Variants in DYNC1H1 observed in about 807,000 individuals in gnomAD.
DYNC1H1 encodes the protein cytoplasmic dynein 1 heavy chain 1.
In DYNC1H1, 51 loss-of-function variants were observed where a neutral mutation model predicts 527.1. The observed-to-expected ratio is 0.10, with a 90% confidence interval of 0.08 to 0.12. The LOEUF (loss-of-function observed/expected upper bound fraction) is 0.12, where lower values mean the gene tolerates loss of function less well. Among genes scored for constraint, DYNC1H1 ranks in the 10% least tolerant of loss-of-function variants. DYNC1H1 has a pLI of 1.00. For missense variants in DYNC1H1, 2,771 were observed against 5,971.8 expected, an observed-to-expected ratio of 0.46 and a Z score of 17.66; for synonymous variants, 2,189 against 2,278.8, an observed-to-expected ratio of 0.96 and a Z score of 1.12.
chr14:101,992,505 T>A (rs1315475327), intron 11 of DYNC1H1, among the ~76,000 whole-genome samples: 4 of 152,206 alleles, frequency 2.6e-5, no homozygotes, highest in Non-Finnish European at 5.9e-5. Flanking sequence ...GTTCTCTTGC[T>A]TATCTCCAAA....
Position 102,044,747 on chromosome 14 carries a change from C to T in DYNC1H1, c.13006+49C>T. 1 of 1,395,342 alleles carries T rather than the reference C, an allele frequency of 7.2e-7. No homozygotes were observed. The highest frequency in any genetic ancestry group is 9.8e-7 in the Non-Finnish European group (1 of 1,018,458). The allele number at this position is 1,395,342 out of a possible 1,614,324, so 86.4% of individuals were successfully genotyped here. ...CACGCAGGGTGGGTGGCGAGGGTCC[C>T]CTCACGCGGGGTGGGTGGCGAGGGT... On this transcript the variant is annotated intron_variant, in intron 72 of 77. Coordinates refer to ENST00000360184, the MANE Select transcript of DYNC1H1 (RefSeq NM_001376.5). This position sits in a 1 kb window ranked among gnomAD's most constrained non-coding sequence, Gnocchi z 7.1.
At position 102,007,043 on chromosome 14, in the gene DYNC1H1, G is replaced by T; in HGVS notation, c.5752G>T (p.Ala1918Ser). 1 of 1,614,234 alleles carries T rather than the reference G, an allele frequency of 6.2e-7. No individual in the cohort carries two copies. The highest frequency in any genetic ancestry group is 8.5e-7 in the Non-Finnish European group (1 of 1,180,034). The change falls in exon 28 of 78, where the codon GCT becomes TCT. Residue 1918 changes from alanine to serine, a missense_variant. By Grantham distance (99) the Ala-to-Ser change is moderately conservative (BLOSUM62 1). This residue lies in a region of DYNC1H1 where 22 missense variants were observed against 109.5 expected (regional missense o/e 0.20). Coordinates refer to ENST00000360184, the MANE Select transcript of DYNC1H1 (RefSeq NM_001376.5). ...AGTGKTESVK[A>S]LGHQLGRFVL... is the part of the protein sequence containing the mutation. ...AACTGGGAAAACAGAGTCTGTCAAA[G>T]CTCTTGGCCATCAGCTTGGACGGTT...
intron 1 of DYNC1H1, among the ~76,000 whole-genome samples, chr14:101,966,907 A>C (rs1204504126): frequency 1.3e-5 from 2 of 152,054 alleles, no homozygotes; most frequent in Admixed American, 1.3e-4. Context: ...TTTTTCTTTC[A>C]GCAAAACAAA....
chr14:102,001,162 T>C lies in DYNC1H1; in HGVS notation c.4203T>C (p.Ile1401=). ...CTCCACAGATAAATATGCTGGTGAT[T>C]GAACTGAAATCCGAAGCACTTAAAG... ...KGYMKINMLV[I]ELKSEALKDR... Residue 1401 remains isoleucine, a synonymous_variant, in exon 20 of 78, where the codon ATT becomes ATC. Coordinates refer to ENST00000360184, the MANE Select transcript of DYNC1H1 (RefSeq NM_001376.5). This position sits in a 1 kb window ranked among gnomAD's most constrained non-coding sequence, Gnocchi z 5.0. The C allele has an allele frequency of 6.2e-7, 1 of 1,614,186 alleles. No homozygotes were observed.
In DYNC1H1 at chr14:102,005,969, C is replaced by G. The variant is rs2048192372; in HGVS notation, c.5515C>G (p.Leu1839Val). The change falls in exon 27 of 78, where the codon CTC (leucine) becomes GTC (valine). Residue 1839 changes from leucine (L) to valine (V), a missense_variant. Around this residue, in one of 32 missense-constraint regions of DYNC1H1, gnomAD observed 64 missense variants for 143.4 expected, o/e 0.45. Coordinates refer to ENST00000360184, the MANE Select transcript of DYNC1H1 (RefSeq NM_001376.5). This position sits in a 1 kb window ranked among gnomAD's most constrained non-coding sequence, Gnocchi z 4.0. ...TGACAACGCCAAATCTTTTGAATGG[C>G]TCAGCCAGATGCGATTTTACTTTGA... Reference protein sequence around the residue: ...KIDNAKSFEWLSQMRFYFDPK... With the variant: ...KIDNAKSFEWVSQMRFYFDPK... 6.2e-7 allele frequency: 1 copy of G among 1,614,248 alleles called. No individual in the cohort carries two copies. The highest frequency in any genetic ancestry group is 8.5e-7 in the Non-Finnish European group (1 of 1,180,044).
chr14:102,048,463 A>G, intron 73 of DYNC1H1, 53 bp from the exon 74 acceptor site: 1 of 1,611,834 alleles, frequency 6.2e-7, no homozygotes, highest in South Asian at 1.1e-5. Context: ...TGACCTTTAC[A>G]CTGGAGAAAG....
chr14:102,045,484 G>A (rs1427429793), intron 72 of DYNC1H1, among the ~76,000 whole-genome samples: 1 of 142,530 alleles, frequency 7.0e-6, no homozygotes, highest in Non-Finnish European at 1.6e-5. Flanking sequence ...GGTGGTGGGT[G>A]CCTGTAATCC....
Position 101,979,462 on chromosome 14 carries a change from C to T in DYNC1H1, c.488C>T (p.Ser163Phe). 6.2e-7 allele frequency: 1 copy of T among 1,614,060 alleles called. No homozygotes were observed. The highest frequency in any genetic ancestry group is 8.5e-7 in the Non-Finnish European group (1 of 1,180,024). ...ISNAVAPFFK[S>F]YIRESGKADR... Reference sequence around the variant, plus strand: ...AATGCAGTGGCTCCTTTTTTTAAGTCCTACATTAGAGAGTCTGGCAAGGCA... The same window carrying T: ...AATGCAGTGGCTCCTTTTTTTAAGTTCTACATTAGAGAGTCTGGCAAGGCA... The change falls in exon 3 of 78, where the codon TCC becomes TTC. Residue 163 changes from serine to phenylalanine, a missense_variant. Ser to Phe is a radical substitution (Grantham distance 155). Coordinates refer to ENST00000360184, the MANE Select transcript of DYNC1H1 (RefSeq NM_001376.5). The surrounding 1 kb of genome is among the most constrained non-coding windows in gnomAD (Gnocchi z 4.6).
Position 101,983,685 on chromosome 14 carries a change from TGTTG to T in DYNC1H1, c.1461+77_1461+80del. 1 of 1,496,840 alleles carries T rather than the reference TGTTG, an allele frequency of 6.7e-7. No homozygotes were observed. Among genetic ancestry groups the T allele is most frequent in the South Asian group, 1.2e-5 (1 of 81,892 alleles). 92.7% of individuals were successfully genotyped at this position (1,496,840 alleles called of 1,614,324 possible). On this transcript the variant is annotated intron_variant, in intron 7 of 77. Coordinates refer to ENST00000360184, the MANE Select transcript of DYNC1H1 (RefSeq NM_001376.5). This position sits in a 1 kb window ranked among gnomAD's most constrained non-coding sequence, Gnocchi z 5.3. Reference sequence around the variant, plus strand: ...TTTTTGTTTGGTGTTTTTTTTTTGTTGTTGTTGTTGAGATGAAGTTTCACTCTTG... The same window carrying T: ...TTTTTGTTTGGTGTTTTTTTTTTGTTTTGTTGAGATGAAGTTTCACTCTTG...
rs116718873 is a variant in DYNC1H1, at chr14:102,044,889, G to A, written c.13006+191G>A. 38 of 644,478 alleles carry A rather than the reference G, an allele frequency of 5.9e-5. No individual in the cohort carries two copies. The highest frequency in any genetic ancestry group is 8.4e-4 in the Middle Eastern group (2 of 2,380). The allele number at this position is 644,478 out of a possible 1,614,324, so 39.9% of individuals were successfully genotyped here. A position where few individuals can be genotyped will look rare whatever the true frequency, so the allele number is the denominator to read the frequency against. On this transcript the variant is annotated intron_variant, in intron 72 of 77. Coordinates refer to ENST00000360184, the MANE Select transcript of DYNC1H1 (RefSeq NM_001376.5). The surrounding 1 kb of genome is among the most constrained non-coding windows in gnomAD (Gnocchi z 7.1). ...CTCCAGCTGCTCCTAGCTCCACTCCGAGGGGAGGCAGAGGAAAGAACTGGC... is the reference window on the plus strand; with the variant it reads ...CTCCAGCTGCTCCTAGCTCCACTCCAAGGGGAGGCAGAGGAAAGAACTGGC...
rs1331074154 is a variant in DYNC1H1 at position 102,009,538 on chromosome 14, C to T, written c.5978-305C>T. The T allele has an allele frequency of 1.8e-5, 6 of 340,066 alleles. No individual in the cohort carries two copies. The East Asian group carries it at 3.0e-4, about 17-fold the overall frequency. 21.1% of individuals were successfully genotyped at this position (340,066 alleles called of 1,614,324 possible). ...TTTTTTTGCACAATTTGTTGGACTG[C>T]ATCTCTATCTCGAGTTCTCCATGAC... On this transcript the variant is annotated intron_variant, in intron 29 of 77. Coordinates refer to ENST00000360184, the MANE Select transcript of DYNC1H1 (RefSeq NM_001376.5).
intron 44 of DYNC1H1, 56 bp downstream of exon 44, chr14:102,026,763 T>C: frequency 6.3e-7 from 1 of 1,595,930 alleles, no homozygotes; most frequent in Non-Finnish European, 8.5e-7. Flanking sequence ...CTTGAGTAAG[T>C]GTGTGTGCCG....
rs17512713 is a variant in DYNC1H1, at chr14:102,033,907, G to T, written c.10414-69G>T. 137,137 of 1,557,846 alleles carry T rather than the reference G, an allele frequency of 0.088. 7,636 individuals carry two copies. Among genetic ancestry groups the T allele is most frequent in the African/African-American group, 0.26 (19,551 of 73,880 alleles). The stretch of plus-strand genomic sequence containing the variant: ...ACCCTGCACATAATGTGGATGAACC[G>T]ATTTGCAGGATTCGGTATAAATCCT... On this transcript the variant is annotated intron_variant, in intron 54 of 77. Transcript: ENST00000360184. This position sits in a 1 kb window ranked among gnomAD's most constrained non-coding sequence, Gnocchi z 5.6.
chr14:101,983,274 A>T lies in DYNC1H1; in HGVS notation c.1217A>T (p.Tyr406Phe), dbSNP rs778963440. 1.2e-6 allele frequency: 2 copies of T among 1,614,268 alleles called. No homozygotes were observed. Among genetic ancestry groups the T allele is most frequent in the South Asian group, 2.2e-5 (2 of 91,084 alleles). ...ACTAGGAAATTGATGCATGTTGCTT[A>T]TGAAGAATTTGAAAAAGTAAGTTTG... ...LGTRKLMHVAYEEFEKVMVAC... is the reference protein window; with the variant it reads ...LGTRKLMHVAFEEFEKVMVAC... Residue 406 changes from tyrosine to phenylalanine, a missense_variant, in exon 6 of 78, where the codon TAT (tyrosine) becomes TTT (phenylalanine). Physicochemically the swap from Tyr to Phe is conservative, Grantham distance 22 (BLOSUM62 3). Around this residue, in one of 32 missense-constraint regions of DYNC1H1, gnomAD observed 264 missense variants for 619.4 expected, o/e 0.43. Transcript: ENST00000360184. This position sits in a 1 kb window ranked among gnomAD's most constrained non-coding sequence, Gnocchi z 5.3.
intron 43 of DYNC1H1, chr14:102,023,431 C>T (rs924264278): frequency 4.6e-5 from 10 of 216,218 alleles, no homozygotes; most frequent in Admixed American, 2.6e-4. Context: ...TGTCTGTAAT[C>T]CCAGCTATTT....
intron 41 of DYNC1H1, among the ~76,000 whole-genome samples, chr14:102,019,395 C>T (rs1174616946): frequency 6.6e-6 from 1 of 152,262 alleles, no homozygotes; most frequent in African/African-American, 2.4e-5. Flanking sequence ...CTGTGTCTCC[C>T]TCGCTCTTCA....
intron 15 of DYNC1H1, among the ~76,000 whole-genome samples, chr14:101,996,209 A>G (rs571769056): frequency 7.0e-6 from 1 of 143,748 alleles, no homozygotes; most frequent in East Asian, 2.1e-4. Context: ...GGCTCACTGC[A>G]GCCTCTGCCT....
intron 43 of DYNC1H1, among the ~76,000 whole-genome samples, chr14:102,026,134 G>A (rs1198592760): frequency 6.6e-6 from 1 of 151,840 alleles, no homozygotes; most frequent in South Asian, 2.1e-4. Flanking sequence ...AATAGGGCAG[G>A]CCCTCACACC....
At position 102,049,690 on chromosome 14, in the gene DYNC1H1, C is replaced by A. The variant is rs188161757; in HGVS notation, c.13516-24C>A. The A allele has an allele frequency of 6.2e-7, 1 of 1,613,868 alleles. No homozygotes were observed. The highest frequency in any genetic ancestry group is 2.2e-5 in the East Asian group (1 of 44,882). ...CCCAGGTCTGACCTGAGCTCCTTCC[C>A]CTGGGGGCTGCTGCTTTCCACAGAA... is the stretch of plus-strand genomic sequence containing the variant. On this transcript the variant is annotated intron_variant, in intron 75 of 77. Coordinates refer to ENST00000360184, the MANE Select transcript of DYNC1H1 (RefSeq NM_001376.5). This position sits in a 1 kb window ranked among gnomAD's most constrained non-coding sequence, Gnocchi z 5.5.
Sources: allele counts gnomAD v4.1 joint callset (sites outside exome capture counted in the v4.1 genomes callset), GRCh38; gene constraint gnomAD v4.1.1; regional missense constraint gnomAD v4.1.1; non-coding constraint Gnocchi (gnomAD v3.1); transcripts MANE v1.5; gene names NCBI Gene and HGNC (gene_info 2026-07-23, HGNC 2026-07-21).